Variants in RORB observed in about 807,000 individuals in gnomAD.
The protein encoded by RORB is RAR related orphan receptor B, also known as nuclear receptor ROR-beta.
In RORB, 6 loss-of-function variants were observed where a neutral mutation model predicts 59.1. The observed-to-expected ratio is 0.10, with a 90% CI of 0.06 to 0.20. The LOEUF (loss-of-function observed/expected upper bound fraction) is 0.20, where lower values mean the gene tolerates loss of function less well. Ranked by LOEUF, RORB falls within the 10% of genes least tolerant of loss-of-function variation. The probability of loss-of-function intolerance (pLI) is 1.00; values close to 1 mark genes in which losing one functional copy is unlikely to be tolerated. For missense variants in RORB, 320 were observed against 560.5 expected (o/e 0.57, Z 4.33); for synonymous variants, 215 against 204.5 (o/e 1.05, Z -0.44).
At chr9:74,509,676 T>C (rs1429952132) in intron 1 of RORB, among the ~76,000 whole-genome samples, 5 of 152,094 alleles carry the variant, frequency 3.3e-5, no homozygotes, top group Admixed American at 6.6e-5. Context: ...CCACCATTTA[T>C]CCACCTGATC....
intron 1 of RORB, among the ~76,000 whole-genome samples, chr9:74,544,224 G>A (rs974004862): frequency 1.3e-5 from 2 of 152,126 alleles, no homozygotes; most frequent in African/African-American, 4.8e-5. Flanking sequence ...CTTCTGATTT[G>A]AGGACACAGC....
At chr9:74,545,844 G>A (rs1826478013) in intron 1 of RORB, among the ~76,000 whole-genome samples, 1 of 151,972 alleles carries the variant, frequency 6.6e-6, no homozygotes, top group East Asian at 1.9e-4. Flanking sequence ...ATTATCATTG[G>A]CATAAGCCAA....
intron 1 of RORB, among the ~76,000 whole-genome samples, chr9:74,505,116 T>G (rs531627628): frequency 1.3e-5 from 2 of 152,260 alleles, no homozygotes; most frequent in South Asian, 4.1e-4. Flanking sequence ...AACCAGAACT[T>G]GGCATGAAAT....
At chr9:74,666,621 C>T (rs1212387800) in intron 7 of RORB, among the ~76,000 whole-genome samples, 2 of 151,740 alleles carry the variant, frequency 1.3e-5, no homozygotes, top group Non-Finnish European at 2.9e-5. Flanking sequence ...TGACCTCTTG[C>T]GTTTCTTATG....
intron 1 of RORB, among the ~76,000 whole-genome samples, chr9:74,532,473 A>G (rs1014675150): frequency 2.6e-5 from 4 of 151,822 alleles, no homozygotes; most frequent in Non-Finnish European, 5.9e-5. Context: ...TGCTTTCCTT[A>G]TTGGTTCAGC....
At chr9:74,513,279 C>G (rs1401767354) in intron 1 of RORB, among the ~76,000 whole-genome samples, 1 of 151,848 alleles carries the variant, frequency 6.6e-6, no homozygotes, top group African/African-American at 2.4e-5. Flanking sequence ...AATAGTCAAG[C>G]AAAAGTACCA....
At chr9:74,676,438 A>G (rs539782965) in intron 9 of RORB, among the ~76,000 whole-genome samples, 1 of 152,378 alleles carries the variant, frequency 6.6e-6, no homozygotes, top group East Asian at 1.9e-4. Flanking sequence ...AAGCCCACTC[A>G]GCTCACCATA....
At chr9:74,517,432 G>A (rs774177744) in intron 1 of RORB, among the ~76,000 whole-genome samples, 2 of 151,976 alleles carry the variant, frequency 1.3e-5, no homozygotes, top group Admixed American at 6.6e-5. Flanking sequence ...AAGGTACGGC[G>A]TGGTGGTGTG....
At chr9:74,505,381 A>G (rs1825856700) in intron 1 of RORB, among the ~76,000 whole-genome samples, 1 of 152,112 alleles carries the variant, frequency 6.6e-6, no homozygotes, top group South Asian at 2.1e-4. Context: ...TTCAGTTTTA[A>G]TTTTAAAAAG....
At chr9:74,512,800 TC>T (rs1825959759) in intron 1 of RORB, among the ~76,000 whole-genome samples, 1 of 152,072 alleles carries the variant, frequency 6.6e-6, no homozygotes, top group Non-Finnish European at 1.5e-5. Context: ...CTTTTCTGCC[TC>T]CCCCTTTACA....
intron 1 of RORB, among the ~76,000 whole-genome samples, chr9:74,556,490 T>C (rs537315455): frequency 6.6e-6 from 1 of 152,280 alleles, no homozygotes; most frequent in South Asian, 2.1e-4. Flanking sequence ...GCCCTGTCCA[T>C]TTATCTGAGG....
At chr9:74,608,474 G>T (rs1050401662) in intron 1 of RORB, among the ~76,000 whole-genome samples, 2 of 150,244 alleles carry the variant, frequency 1.3e-5, no homozygotes, top group African/African-American at 4.9e-5. Context: ...TGAGGCAGGA[G>T]AATGGCGTGA....
At chr9:74,553,773 A>T (rs1255015378) in intron 1 of RORB, among the ~76,000 whole-genome samples, 1 of 152,188 alleles carries the variant, frequency 6.6e-6, no homozygotes, top group Non-Finnish European at 1.5e-5. Context: ...ATGACTTCAA[A>T]GAAAATTGGG....
At chr9:74,500,707 C>T (rs1825794036) in intron 1 of RORB, among the ~76,000 whole-genome samples, 1 of 152,050 alleles carries the variant, frequency 6.6e-6, no homozygotes, top group African/African-American at 2.4e-5. Context: ...TTCCCACCCC[C>T]TACTCCTCCC....
chr9:74,559,649 C>T (rs146387442), intron 1 of RORB, among the ~76,000 whole-genome samples: 9 of 152,126 alleles, frequency 5.9e-5, no homozygotes, highest in African/African-American at 1.9e-4. Context: ...AAAGACAGGA[C>T]CTTTGGACTT....
intron 7 of RORB, among the ~76,000 whole-genome samples, chr9:74,666,625 T>G (rs933928852): frequency 1.8e-4 from 28 of 152,274 alleles, no homozygotes; most frequent in African/African-American, 6.7e-4. Context: ...CTCTTGCGTT[T>G]CTTATGTCAA....
chr9:74,537,549 A>G (rs1165577036), intron 1 of RORB, among the ~76,000 whole-genome samples: 13 of 152,054 alleles, frequency 8.5e-5, no homozygotes, highest in Non-Finnish European at 1.5e-5. Flanking sequence ...ATAACATTTA[A>G]TTTTATTCAT....
At chr9:74,579,359 A>G (rs1822685476) in intron 1 of RORB, among the ~76,000 whole-genome samples, 1 of 152,164 alleles carries the variant, frequency 6.6e-6, no homozygotes, top group Admixed American at 6.6e-5. Context: ...TCACAGTTTT[A>G]TATTTCTTTC....
intron 1 of RORB, among the ~76,000 whole-genome samples, chr9:74,556,503 T>C (rs936169081): frequency 2.0e-5 from 3 of 152,172 alleles, no homozygotes; most frequent in Admixed American, 6.5e-5. Flanking sequence ...ATCTGAGGAT[T>C]TGGGGACCAT....
Sources: allele counts gnomAD v4.1 joint callset (sites outside exome capture counted in the v4.1 genomes callset), GRCh38; gene constraint gnomAD v4.1.1; transcripts MANE v1.5; gene names NCBI Gene and HGNC (gene_info 2026-07-23, HGNC 2026-07-21).